PMS2: variants seen among roughly 807,000 people sequenced by gnomAD.
PMS2 encodes the protein mismatch repair endonuclease PMS2.
In PMS2, 69 loss-of-function variants were observed where a neutral mutation model predicts 90.0. The observed-to-expected ratio is 0.77, with a 90% confidence interval of 0.63 to 0.94. The LOEUF is 0.94. PMS2 is among the 40% of genes least tolerant of loss of function. PMS2 has a pLI of 0.00. For synonymous variants in PMS2, 332 were observed against 375.1 expected, an observed-to-expected ratio of 0.89 and a Z score of 1.33; for missense variants, 966 against 1,040.2, an observed-to-expected ratio of 0.93 and a Z score of 0.98.
chr7:5,999,005 AT>A (rs879099339), intron 6 of PMS2, 102 bp downstream of exon 6: 6 of 1,155,272 alleles, frequency 5.2e-6, no homozygotes, highest in South Asian at 1.3e-5. Flanking sequence ...AAAAAAAAAA[AT>A]CAATTCTAAG....
chr7:6,002,873 G>GT (rs1478258088), intron 4 of PMS2, among the ~76,000 whole-genome samples: 1 of 152,080 alleles, frequency 6.6e-6, no homozygotes, highest in Non-Finnish European at 1.5e-5. Context: ...CTTTGATTTC[G>GT]TTTTTCAGGT....
In PMS2 at chr7:5,988,907, GTGCAGTGGC is replaced by G. The variant is rs1469619467; in HGVS notation, c.1144+884_1144+892del. Among the ~76,000 whole-genome samples the G allele has an allele frequency of 2.0e-5, 3 of 152,214 alleles. No individual in the cohort carries two copies. The East Asian group carries it at 5.8e-4, about 30-fold the overall frequency. ...GTCTCGCTTTGTCACCCAGGCTGGA[GTGCAGTGGC>G]ACAATCTTGGCTCACTGCAAGCCCC... On this transcript the variant is annotated intron_variant, in intron 10 of 14. Transcript: ENST00000265849.
intron 5 of PMS2, among the ~76,000 whole-genome samples, chr7:6,001,637 G>A (rs1204148610): frequency 6.6e-6 from 1 of 152,006 alleles, no homozygotes; most frequent in African/African-American, 2.4e-5. Context: ...CCAAAGTGCT[G>A]GGATTACAGG....
intron 7 of PMS2, among the ~76,000 whole-genome samples, chr7:5,997,084 C>G (rs111564346): frequency 2.6e-5 from 4 of 151,726 alleles, no homozygotes; most frequent in Admixed American, 6.6e-5. Context: ...TGTGGTGGCA[C>G]GTGCCTGTAA....
At chr7:5,979,261 C>T (rs1469213145) in intron 12 of PMS2, among the ~76,000 whole-genome samples, 1 of 143,084 alleles carries the variant, frequency 7.0e-6, no homozygotes, top group Non-Finnish European at 1.5e-5. Flanking sequence ...AGTGGTGGCT[C>T]ATGCCTGTAA....
intron 10 of PMS2, among the ~76,000 whole-genome samples, chr7:5,988,808 C>T (rs537820015): frequency 1.3e-5 from 2 of 152,306 alleles, no homozygotes; most frequent in South Asian, 4.1e-4. Flanking sequence ...GACTGAATAA[C>T]TTCAAATTAA....
At chr7:5,991,130 AC>A (rs1354163141) in intron 9 of PMS2, among the ~76,000 whole-genome samples, 2 of 152,194 alleles carry the variant, frequency 1.3e-5, no homozygotes, top group African/African-American at 4.8e-5. Flanking sequence ...AAAATACCAA[AC>A]TATAACCATG....
intron 1 of PMS2, among the ~76,000 whole-genome samples, chr7:6,007,855 G>A (rs1205234413): frequency 8.2e-6 from 1 of 122,484 alleles, no homozygotes; most frequent in African/African-American, 3.4e-5. Flanking sequence ...GTCCACTTCT[G>A]ATTTTTTTTT....
chr7:5,989,193 G>A (rs1583331548), intron 10 of PMS2, among the ~76,000 whole-genome samples: 1 of 152,086 alleles, frequency 6.6e-6, no homozygotes, highest in South Asian at 2.1e-4. Flanking sequence ...CATTTTCAGA[G>A]GCCAAGGCTA....
At chr7:5,988,079 C>A (rs867169256) in intron 10 of PMS2, among the ~76,000 whole-genome samples, 86 of 131,708 alleles carry the variant, frequency 6.5e-4, no homozygotes, top group Middle Eastern at 4.3e-3. Context: ...AAAAAAAAAA[C>A]CACAACACAA....
intron 6 of PMS2, among the ~76,000 whole-genome samples, chr7:5,997,861 TG>T (rs1187575983): frequency 2.0e-5 from 3 of 152,168 alleles, no homozygotes; most frequent in African/African-American, 4.8e-5. Context: ...CCCAGAGTGC[TG>T]GGATTACATG....
chr7:6,000,231 G>A (rs535049342), intron 5 of PMS2, among the ~76,000 whole-genome samples: 17 of 151,854 alleles, frequency 1.1e-4, no homozygotes, highest in Admixed American at 2.0e-4. Flanking sequence ...AAAATTAGCC[G>A]GGCATGGTAG....
chr7:5,989,019 C>T (rs1783415834), intron 10 of PMS2, among the ~76,000 whole-genome samples: 1 of 152,020 alleles, frequency 6.6e-6, no homozygotes, highest in Non-Finnish European at 1.5e-5. Flanking sequence ...CCACGCCCGG[C>T]TAATTTTTTG....
chr7:5,999,072 G>A lies in PMS2; in HGVS notation c.705+36C>T, dbSNP rs111908557. The A allele has an allele frequency of 0.014, 22,708 of 1,585,646 alleles. 232 individuals carry two copies. Among genetic ancestry groups the A allele is most frequent in the South Asian group, 0.023 (2,061 of 90,534 alleles). On this transcript the variant is annotated intron_variant, in intron 6 of 14. Coordinates refer to ENST00000265849, the MANE Select transcript of PMS2 (RefSeq NM_000535.7). ...ATGGAAACCCGCTATAATCACTAGA[G>A]CAATAAGAGGCGTTGAAGTAACCGG...
At chr7:5,992,610 A>T (rs1462677604) in intron 8 of PMS2, among the ~76,000 whole-genome samples, 1 of 152,094 alleles carries the variant, frequency 6.6e-6, no homozygotes, top group East Asian at 1.9e-4. Flanking sequence ...GTAAGCCACT[A>T]CACCTGGCCT....
intron 4 of PMS2, chr7:6,003,292 TA>T (rs992334509): frequency 4.3e-4 from 51 of 119,604 alleles, no homozygotes; most frequent in South Asian, 8.3e-4. Context: ...AGACTCTGTC[TA>T]AAAAAAAAAA....
At chr7:6,005,755 A>G in intron 2 of PMS2, 137 bp downstream of exon 2, 1 of 1,311,832 alleles carries the variant, frequency 7.6e-7, no homozygotes. Context: ...GGCACATAAT[A>G]GGTGCTAACT....
intron 8 of PMS2, among the ~76,000 whole-genome samples, 160 bp from the exon 9 acceptor site, chr7:5,992,217 G>A (rs1332527974): frequency 6.6e-6 from 1 of 151,428 alleles, no homozygotes; most frequent in East Asian, 1.9e-4. Flanking sequence ...TCACAGCCTG[G>A]AGTGCAGTGG....
chr7:5,987,576 C>T lies in PMS2; in HGVS notation c.1189G>A (p.Val397Ile), dbSNP rs573123885. ...GAAGGGGATTGATCCTGCTTTTCTA[C>T]CATGGGCTTTTCCAAATCCGCTGCA... ...MHAADLEKPM[V>I]EKQDQSPSLR... The change falls in exon 11 of 15, where the codon GTA becomes ATA. Residue 397 changes from valine (V) to isoleucine (I), a missense_variant. Val to Ile is a conservative substitution (Grantham distance 29). Coordinates refer to ENST00000265849, the MANE Select transcript of PMS2 (RefSeq NM_000535.7). 8 of 1,611,904 alleles carry T rather than the reference C, an allele frequency of 5.0e-6. No individual in the cohort carries two copies. The highest frequency in any genetic ancestry group is 2.7e-5 in the African/African-American group (2 of 74,974).
Sources: allele counts gnomAD v4.1 joint callset (sites outside exome capture counted in the v4.1 genomes callset), GRCh38; gene constraint gnomAD v4.1.1; transcripts MANE v1.5; gene names NCBI Gene and HGNC (gene_info 2026-07-23, HGNC 2026-07-21).